The following ARNT2 variants were observed in gnomAD, a reference collection of about 807,000 sequenced individuals.
ARNT2 encodes the protein ARNT protein 2.
A neutral mutation model predicts 91.7 loss-of-function variants in ARNT2; 36 were observed. That is an observed-to-expected ratio of 0.39 (90% confidence interval 0.30 to 0.52). The LOEUF (loss-of-function observed/expected upper bound fraction) is 0.52. ARNT2 is among the 20% of genes least tolerant of loss of function. ARNT2 has a pLI of 0.72. For missense variants in ARNT2, 775 were observed against 939.3 expected (o/e 0.83, Z 2.29); for synonymous variants, 365 against 347.1 (o/e 1.05, Z -0.57).
chr15:80,404,465 G>A lies in ARNT2; in HGVS notation c.-51G>A. On this transcript the variant is annotated 5_prime_UTR_variant, in exon 1 of 19. Transcript: ENST00000303329. This position sits in a 1 kb window ranked among gnomAD's most constrained non-coding sequence, Gnocchi z 5.5. The stretch of plus-strand genomic sequence containing the variant: ...CCCGGGGCTGAGCGCCGGGCTCCGC[G>A]CCGCCCCTCCCGCGCCCCTGCCAAG... 1.7e-6 allele frequency: 2 copies of A among 1,184,656 alleles called. No homozygotes were observed. The highest frequency in any genetic ancestry group is 2.1e-6 in the Non-Finnish European group (2 of 938,442). The allele number at this position is 1,184,656 out of a possible 1,614,324, so 73.4% of individuals were successfully genotyped here. A position where few individuals can be genotyped will look rare whatever the true frequency, so the allele number is the denominator to read the frequency against.
At chr15:80,427,340 C>T (rs1282578081) in intron 1 of ARNT2, among the ~76,000 whole-genome samples, 2 of 152,082 alleles carry the variant, frequency 1.3e-5, no homozygotes, top group African/African-American at 2.4e-5. Flanking sequence ...ATTGTTTCTT[C>T]GTTCACAGTT....
intron 1 of ARNT2, among the ~76,000 whole-genome samples, chr15:80,446,849 C>T (rs1896313860): frequency 1.3e-5 from 2 of 152,302 alleles, no homozygotes; most frequent in South Asian, 4.2e-4. Flanking sequence ...AGGGCTTCCC[C>T]TTCCTCTGTC....
chr15:80,538,420 T>C (rs1295058813), intron 8 of ARNT2, among the ~76,000 whole-genome samples: 1 of 152,148 alleles, frequency 6.6e-6, no homozygotes, highest in African/African-American at 2.4e-5. Flanking sequence ...CCCAGTGCAA[T>C]AAATCTAAAA....
At chr15:80,529,539 G>T in intron 8 of ARNT2, among the ~76,000 whole-genome samples, 1 of 150,230 alleles carries the variant, frequency 6.7e-6, no homozygotes, top group African/African-American at 2.5e-5. Flanking sequence ...GACCTTTCTA[G>T]GTTGTTTTTT....
chr15:80,571,448 G>A (rs973458864), intron 12 of ARNT2, among the ~76,000 whole-genome samples: 3 of 152,186 alleles, frequency 2.0e-5, no homozygotes, highest in African/African-American at 7.2e-5. Flanking sequence ...TACCAGCCTG[G>A]TGATTGTGTT....
chr15:80,556,320 G>T (rs935683776), intron 11 of ARNT2: 5 of 152,080 alleles, frequency 3.3e-5, no homozygotes, highest in Non-Finnish European at 7.3e-5. Flanking sequence ...ACAAATAAAG[G>T]TAAGCGAGGA....
At chr15:80,567,293 G>T (rs116298173) in intron 12 of ARNT2, among the ~76,000 whole-genome samples, 238 of 135,294 alleles carry the variant, frequency 1.8e-3, no homozygotes, top group African/African-American at 8.5e-3. Flanking sequence ...TCCTGGATCT[G>T]CTTAGCATCT....
At chr15:80,474,209 A>G (rs1896769375) in intron 4 of ARNT2, among the ~76,000 whole-genome samples, 1 of 152,198 alleles carries the variant, frequency 6.6e-6, no homozygotes, top group Admixed American at 6.5e-5. Flanking sequence ...CCTTCTGAGG[A>G]TAATATCAAG....
chr15:80,452,939 TTTTTA>T (rs1041461179), intron 2 of ARNT2, among the ~76,000 whole-genome samples: 2 of 152,194 alleles, frequency 1.3e-5, no homozygotes, highest in Non-Finnish European at 2.9e-5. Flanking sequence ...GTCCCATTTC[TTTTTA>T]TTTTATTTTT....
intron 4 of ARNT2, among the ~76,000 whole-genome samples, chr15:80,473,905 TC>T (rs1392308987): frequency 6.6e-6 from 1 of 152,188 alleles, no homozygotes; most frequent in African/African-American, 2.4e-5. Context: ...AAGATTACAT[TC>T]AAACAAAAGA....
chr15:80,516,636 A>T (rs1188196398), intron 8 of ARNT2, among the ~76,000 whole-genome samples: 3 of 151,620 alleles, frequency 2.0e-5, no homozygotes, highest in Non-Finnish European at 2.9e-5. Flanking sequence ...CTTTTAACTG[A>T]TACATTTAGA....
intron 5 of ARNT2, among the ~76,000 whole-genome samples, chr15:80,505,341 A>G (rs576662216): frequency 6.6e-6 from 1 of 152,346 alleles, no homozygotes; most frequent in South Asian, 2.1e-4. Flanking sequence ...TTTTTCAGCC[A>G]TCCATCCAGA....
intron 8 of ARNT2, among the ~76,000 whole-genome samples, chr15:80,547,151 A>G (rs1230463463): frequency 2.6e-5 from 4 of 152,174 alleles, no homozygotes; most frequent in Admixed American, 2.0e-4. Flanking sequence ...AGGGCACACA[A>G]AGTTAAAACT....
At position 80,581,395 on chromosome 15, in the gene ARNT2, C is replaced by T. The variant is rs542043974; in HGVS notation, c.1909C>T (p.Pro637Ser). Residue 637 changes from proline to serine, a missense_variant, in exon 17 of 19, where the codon CCA becomes TCA. Physicochemically the swap from Pro to Ser is moderately conservative, Grantham distance 74. Around this residue, in one of 5 missense-constraint regions of ARNT2, gnomAD observed 325 missense variants for 359.9 expected, o/e 0.90. Transcript: ENST00000303329. ...CTACTCCAGTCTTGCCAACAGGACT[C>T]CAGGGTTCGGTAGGTGGGGAATGAG... The part of the protein sequence containing the change: ...NAYSSLANRT[P>S]GFAESGQSSG... 22 of 1,614,134 alleles carry T rather than the reference C, an allele frequency of 1.4e-5. No homozygotes were observed. Among genetic ancestry groups the T allele is most frequent in the Middle Eastern group, 1.7e-4 (1 of 6,060 alleles).
At chr15:80,449,731 C>T (rs915912336) in intron 1 of ARNT2, among the ~76,000 whole-genome samples, 4 of 152,072 alleles carry the variant, frequency 2.6e-5, no homozygotes, top group African/African-American at 4.8e-5. Context: ...TGTTTTGGGG[C>T]GTAACTGTGG....
intron 11 of ARNT2, 138 bp from the exon 12 acceptor site, chr15:80,562,950 T>C (rs562950979): frequency 1.5e-5 from 14 of 920,650 alleles, no homozygotes; most frequent in Non-Finnish European, 2.4e-5. Context: ...CTCCCTCTCT[T>C]ACTGTCTTTT....
At position 80,591,205 on chromosome 15, in the gene ARNT2, T is replaced by C. The variant is rs1476459464; in HGVS notation, c.1919-363T>C. 6.6e-6 allele frequency among the ~76,000 whole-genome samples: 1 copy of C among 152,166 alleles called. No homozygotes were observed. The highest frequency in any genetic ancestry group is 2.4e-5 in the African/African-American group (1 of 41,430). On this transcript the variant is annotated intron_variant, in intron 17 of 18. Transcript: ENST00000303329. The surrounding 1 kb of genome is among the most constrained non-coding windows in gnomAD (Gnocchi z 5.1). The stretch of plus-strand genomic sequence containing the variant: ...ACAGACCCTCTCTCAGCCCACACTC[T>C]GCATGCAACAGATATGCCCCTTGCC...
At chr15:80,433,100 A>G (rs1170285178) in intron 1 of ARNT2, among the ~76,000 whole-genome samples, 1 of 152,034 alleles carries the variant, frequency 6.6e-6, no homozygotes, top group East Asian at 1.9e-4. Context: ...CAAGGAAACT[A>G]CTTTGTTTCA....
chr15:80,554,943 G>T, intron 10 of ARNT2, 122 bp from the exon 11 acceptor site: 1 of 1,020,718 alleles, frequency 9.8e-7, no homozygotes. Context: ...AAAAAATCTG[G>T]GGTGGGACAG....
Sources: gnomAD v4.1 joint callset for allele counts (sites outside exome capture counted in the v4.1 genomes callset) on GRCh38, gnomAD v4.1.1 for gene constraint, gnomAD v4.1.1 regional missense constraint, Gnocchi (gnomAD v3.1) non-coding constraint, MANE v1.5 for transcripts, NCBI Gene and HGNC (gene_info 2026-07-23, HGNC 2026-07-21) for gene names.